MCF2L: variants seen among roughly 807,000 people sequenced by gnomAD.
MCF2L encodes guanine nucleotide exchange factor DBS.
MCF2L carries 97 observed loss-of-function variants against 153.4 expected under a neutral mutation model. That is an observed-to-expected ratio of 0.63 (90% CI 0.54 to 0.75). The LOEUF (loss-of-function observed/expected upper bound fraction) is 0.75. Among genes scored for constraint, MCF2L ranks in the 30% least tolerant of loss-of-function variants. The pLI is 0.00. For synonymous variants in MCF2L, 659 were observed against 632.2 expected (o/e 1.04, Z -0.64); for missense variants, 1,347 against 1,495.2 (o/e 0.90, Z 1.64).
At chr13:113,029,032 CCA>C (rs957727479) in intron 3 of MCF2L, among the ~76,000 whole-genome samples, 2 of 151,962 alleles carry the variant, frequency 1.3e-5, no homozygotes, top group African/African-American at 4.8e-5. Context: ...TGCATTCTAC[CCA>C]CGTTTCCTTT....
At position 113,070,089 on chromosome 13, in the gene MCF2L, T is replaced by C; in HGVS notation, c.912T>C (p.Ala304=). The C allele has an allele frequency of 1.2e-6, 2 of 1,610,096 alleles. No homozygotes were observed. The highest frequency in any genetic ancestry group is 1.7e-6 in the Non-Finnish European group (2 of 1,178,662). Residue 304 remains alanine (A), a synonymous_variant, in exon 9 of 30, where the codon GCT becomes GCC. Transcript: ENST00000535094. The surrounding 1 kb of genome is among the most constrained non-coding windows in gnomAD (Gnocchi z 5.6). The part of the protein sequence containing the change: ...RLLAQLNETE[A]AFDEFWAKHQ... ...TGGCCCAGCTGAACGAAACCGAGGC[T>C]GCCTTCGATGAGTTCTGGGCAAAGC...
At chr13:113,060,079 C>T (rs999954912) in intron 4 of MCF2L, among the ~76,000 whole-genome samples, 12 of 152,320 alleles carry the variant, frequency 7.9e-5, no homozygotes, top group Middle Eastern at 3.4e-3. Flanking sequence ...CTGCTCGAGG[C>T]CTCTCCTCAG....
chr13:113,088,643 G>A lies in MCF2L; in HGVS notation c.2834+15G>A, dbSNP rs752350201. ...ACCAGCACCAGGTGAGAATGGACACGCTGCCGCAGGCCTGCGTTTCTGGAG... is the reference window on the plus strand; with the variant it reads ...ACCAGCACCAGGTGAGAATGGACACACTGCCGCAGGCCTGCGTTTCTGGAG... On this transcript the variant is annotated intron_variant, in intron 25 of 29. Transcript: ENST00000535094. 1.5e-5 allele frequency: 24 copies of A among 1,601,856 alleles called. No individual in the cohort carries two copies. Among genetic ancestry groups the A allele is most frequent in the East Asian group, 4.5e-5 (2 of 44,766 alleles).
chr13:112,979,255 A>G (rs1566681196), intron 1 of MCF2L: 2 of 984,232 alleles, frequency 2.0e-6, no homozygotes, highest in Non-Finnish European at 2.4e-6. Flanking sequence ...CTTGCTCCAT[A>G]AGGCAAGGAG....
rs749163770 is a variant in MCF2L at position 113,078,769 on chromosome 13, G to A, written c.1808+30G>A. On this transcript the variant is annotated intron_variant, in intron 15 of 29. Transcript: ENST00000535094. ...GTGCGCTGCCCTTCTGTCCTCACAG[G>A]GGCCCTCCGACCGCAGCCTGAACCA... The A allele has an allele frequency of 1.1e-5, 17 of 1,570,940 alleles. No individual in the cohort carries two copies. The African/African-American group carries it at 2.0e-4, about 19-fold the overall frequency.
intron 2 of MCF2L, among the ~76,000 whole-genome samples, chr13:112,906,863 T>G (rs1277477169): frequency 6.6e-6 from 1 of 152,170 alleles, no homozygotes; most frequent in Non-Finnish European, 1.5e-5. Flanking sequence ...TGGTCAGTGG[T>G]GTCTTTAAAG....
At position 113,064,990 on chromosome 13, in the gene MCF2L, T is replaced by C; in HGVS notation, c.661T>C (p.Phe221Leu). The C allele has an allele frequency of 1.2e-6, 2 of 1,613,144 alleles. No homozygotes were observed. Among genetic ancestry groups the C allele is most frequent in the Non-Finnish European group, 1.7e-6 (2 of 1,180,004 alleles). Reference sequence around the variant, plus strand: ...GCAGACGGCTCAGATGCTGCAGTCCTTCGGGACCGAGCTGGCTGAAACAGA... The same window carrying C: ...GCAGACGGCTCAGATGCTGCAGTCCCTCGGGACCGAGCTGGCTGAAACAGA... Reference protein sequence around the residue: ...VKQTAQMLQSFGTELAETELP... With the variant: ...VKQTAQMLQSLGTELAETELP... The change falls in exon 7 of 30, where the codon TTC becomes CTC. Residue 221 changes from phenylalanine (F) to leucine (L), a missense_variant. Transcript: ENST00000535094. The surrounding 1 kb of genome is among the most constrained non-coding windows in gnomAD (Gnocchi z 6.0).
intron 5 of MCF2L, among the ~76,000 whole-genome samples, chr13:113,063,092 A>G (rs1235594079): frequency 6.6e-6 from 1 of 152,222 alleles, no homozygotes; most frequent in African/African-American, 2.4e-5. Flanking sequence ...TGGCCATCAC[A>G]GGCCGCACTC....
chr13:113,043,882 G>A (rs2086648723), intron 3 of MCF2L: 1 of 152,342 alleles, frequency 6.6e-6, no homozygotes, highest in Non-Finnish European at 1.5e-5. Flanking sequence ...ATTTTTCATA[G>A]AGACAGGGTC....
At position 113,027,152 on chromosome 13, in the gene MCF2L, G is replaced by A. The variant is rs1462196874; in HGVS notation, c.278+2394G>A. The A allele has an allele frequency of 5.8e-6, 4 of 683,936 alleles. No individual in the cohort carries two copies. Among genetic ancestry groups the A allele is most frequent in the Admixed American group, 4.1e-5 (2 of 49,088 alleles). The allele number at this position is 683,936 out of a possible 1,614,324, so 42.4% of individuals were successfully genotyped here. A position where few individuals can be genotyped will look rare whatever the true frequency, so the allele number is the denominator to read the frequency against. On this transcript the variant is annotated intron_variant, in intron 3 of 29. Coordinates refer to ENST00000535094, the MANE Select transcript of MCF2L (RefSeq NM_001112732.3). This position sits in a 1 kb window ranked among gnomAD's most constrained non-coding sequence, Gnocchi z 4.8. ...CCATCAGCGTGAAAGTGCAGCCGTG[G>A]CCATTACCGTGAAGGTTCTTCATTC...
intron 1 of MCF2L, among the ~76,000 whole-genome samples, chr13:112,990,722 C>T (rs1027270060): frequency 9.2e-5 from 14 of 152,232 alleles, no homozygotes; most frequent in African/African-American, 2.9e-4. Flanking sequence ...TTTTCTTCAT[C>T]CCGTCCTTCT....
chr13:112,907,470 C>T lies in MCF2L; in HGVS notation c.169+5099C>T, dbSNP rs2081184532. Among the ~76,000 whole-genome samples the T allele has an allele frequency of 6.6e-6, 1 of 151,886 alleles. No individual in the cohort carries two copies. The highest frequency in any genetic ancestry group is 2.4e-5 in the African/African-American group (1 of 41,346). ...CTTGGTGGAGAATCCTCGGTGTTTC[C>T]AGCATGGGTCAGTCGCGGCTTGGTG... On this transcript the variant is annotated intron_variant, in intron 2 of 29. Coordinates refer to the MCF2L transcript ENST00000375608. The surrounding 1 kb of genome is among the most constrained non-coding windows in gnomAD (Gnocchi z 5.1).
rs59243011 is a variant in MCF2L at position 113,071,127 on chromosome 13, G to A, written c.996+954G>A. ...CCATCTCACGGTGGTTTTCTGTTGC[G>A]TTTCCCCAGTGTTGATGGTGCTAAA... On this transcript the variant is annotated intron_variant, in intron 9 of 29. Transcript: ENST00000535094. Among the ~76,000 whole-genome samples the A allele has an allele frequency of 3.0e-3, 457 of 152,164 alleles. 22 individuals carry two copies. The East Asian group carries it at 0.073, about 24-fold the overall frequency.
intron 3 of MCF2L, chr13:113,044,639 A>G (rs1382730150): frequency 1.2e-6 from 2 of 1,607,964 alleles, no homozygotes; most frequent in Middle Eastern, 1.7e-4. Flanking sequence ...CTCCGCACCG[A>G]CTCTGTGACT....
Position 112,941,313 on chromosome 13 carries a change from A to G in MCF2L, c.169+38942A>G, listed in dbSNP as rs1255287511. 6.7e-6 allele frequency among the ~76,000 whole-genome samples: 1 copy of G among 149,150 alleles called. No individual in the cohort carries two copies. The highest frequency in any genetic ancestry group is 1.5e-5 in the Non-Finnish European group (1 of 67,488). On this transcript the variant is annotated intron_variant, in intron 2 of 29. Transcript: ENST00000375608. This position sits in a 1 kb window ranked among gnomAD's most constrained non-coding sequence, Gnocchi z 4.9. ...CTCTGGAAGCCCATAAGCCATATAT[A>G]TATATTTCATATTATATATTATATA...
chr13:113,096,832 G>A lies in MCF2L; in HGVS notation c.3351G>A (p.Gln1117=), dbSNP rs925374293. 27 of 1,521,940 alleles carry A rather than the reference G, an allele frequency of 1.8e-5. No individual in the cohort carries two copies. Among genetic ancestry groups the A allele is most frequent in the African/African-American group, 7.2e-5 (5 of 69,536 alleles). 94.3% of individuals were successfully genotyped at this position (1,521,940 alleles called of 1,614,324 possible). The change falls in exon 30 of 30, where the codon CAG becomes CAA. Residue 1117 remains glutamine (Q), a synonymous_variant. Transcript: ENST00000535094. ...CGTCCAGCTGCAGCGAGGGCGGCCA[G>A]GCCCCCTTCTCCGACCTGCAGGGGT... The part of the protein sequence containing the change: ...SNSSSCSEGG[Q]APFSDLQG
chr13:113,072,462 G>A (rs148908519), intron 9 of MCF2L, among the ~76,000 whole-genome samples: 118 of 152,256 alleles, frequency 7.8e-4, no homozygotes, highest in African/African-American at 2.7e-3. Flanking sequence ...TTCACTGTCA[G>A]GTGTAATGTT....
chr13:112,897,125 G>A (rs7989511), intron 1 of MCF2L, among the ~76,000 whole-genome samples: 142,417 of 152,182 alleles, frequency 0.94, 67,015 homozygotes, highest in East Asian at 1. Context: ...TCTTGTCCAG[G>A]GGCCTTGGTG....
At chr13:112,968,142 T>TGGAG (rs1555355445), upstream of MCF2L, among the ~76,000 whole-genome samples, 2 of 59,450 alleles carry the variant, frequency 3.4e-5, 1 homozygote, top group Non-Finnish European at 7.4e-5. Flanking sequence ...GGGAGTGAGG[T>TGGAG]GGGGGGGGGG....
Sources: gnomAD v4.1 joint callset for allele counts (sites outside exome capture counted in the v4.1 genomes callset) on GRCh38, gnomAD v4.1.1 for gene constraint, Gnocchi (gnomAD v3.1) non-coding constraint, MANE v1.5 for transcripts, NCBI Gene and HGNC (gene_info 2026-07-23, HGNC 2026-07-21) for gene names.